The following SGCZ variants were observed in gnomAD, a reference collection of about 807,000 sequenced individuals.
The protein encoded by SGCZ is zeta-sarcoglycan.
A neutral mutation model predicts 41.3 loss-of-function variants in SGCZ; 40 were observed. The observed-to-expected ratio is 0.97, with a 90% CI of 0.75 to 1.26. The LOEUF (loss-of-function observed/expected upper bound fraction) is 1.26, where lower values mean the gene tolerates loss of function less well. SGCZ is among the 50% of genes most tolerant of loss of function. SGCZ has a pLI of 0.00. For missense variants in SGCZ, 552 were observed against 369.8 expected, an observed-to-expected ratio of 1.49 and a Z score of -4.04; for synonymous variants, 206 against 137.5, an observed-to-expected ratio of 1.50 and a Z score of -3.49.
Position 14,638,836 on chromosome 8 carries a change from T to A in SGCZ, c.40-83910A>T, listed in dbSNP as rs1432139384. Among the ~76,000 whole-genome samples the A allele has an allele frequency of 5.9e-5, 9 of 151,898 alleles. No homozygotes were observed. In the East Asian group the frequency reaches 1.8e-3, roughly 30 times the overall value. On this transcript the variant is annotated intron_variant, in intron 1 of 7. Transcript: ENST00000382080. ...TGAGGATAAGGATTTTTTGGAAACA[T>A]TATTTTCTTTTATTTCACATTTAAA...
chr8:14,332,789 ATAGAG>A (rs1263446960), intron 2 of SGCZ: 2 of 150,852 alleles, frequency 1.3e-5, no homozygotes, highest in East Asian at 1.9e-4. Flanking sequence ...TTGGTTTGCA[ATAGAG>A]TATAGAGTAT....
intron 3 of SGCZ, among the ~76,000 whole-genome samples, chr8:14,282,881 A>C (rs1214758256): frequency 1.8e-5 from 2 of 108,366 alleles, no homozygotes; most frequent in Non-Finnish European, 3.4e-5. Flanking sequence ...ACGGAGTCTC[A>C]CTCTGTCACC....
chr8:14,417,257 C>G (rs1170520648), intron 2 of SGCZ, among the ~76,000 whole-genome samples: 2 of 151,816 alleles, frequency 1.3e-5, no homozygotes. Flanking sequence ...AAGTATAGTC[C>G]AAAATGGAGC....
Position 15,230,792 on chromosome 8 carries a change from G to A in SGCZ, c.39+6793C>T, listed in dbSNP as rs148538836. 1.5e-3 allele frequency among the ~76,000 whole-genome samples: 232 copies of A among 152,292 alleles called. 3 individuals carry two copies. Among genetic ancestry groups the A allele is most frequent in the African/African-American group, 5.5e-3 (227 of 41,566 alleles). On this transcript the variant is annotated intron_variant, in intron 1 of 7. Transcript: ENST00000382080. ...TGAACCAAACTTCCCTTTCACTGCAGTTAAATGTTAGGTTGTTTCGAAGAC... is the reference window on the plus strand; with the variant it reads ...TGAACCAAACTTCCCTTTCACTGCAATTAAATGTTAGGTTGTTTCGAAGAC...
intron 3 of SGCZ, among the ~76,000 whole-genome samples, chr8:14,273,852 G>C (rs183038661): frequency 7.9e-4 from 120 of 152,210 alleles, no homozygotes; most frequent in Middle Eastern, 6.8e-3. Flanking sequence ...CAAAATCATA[G>C]AGACTTCATC....
chr8:14,243,387 C>T (rs544245685), intron 3 of SGCZ, among the ~76,000 whole-genome samples: 1 of 152,286 alleles, frequency 6.6e-6, no homozygotes, highest in Admixed American at 6.5e-5. Flanking sequence ...TCCATGCCTA[C>T]TTCTCTAACA....
chr8:14,768,095 C>A (rs1040646760), intron 1 of SGCZ, among the ~76,000 whole-genome samples: 4 of 152,032 alleles, frequency 2.6e-5, no homozygotes, highest in Non-Finnish European at 5.9e-5. Context: ...CTATTAAGCC[C>A]TAAAACCTAA....
At chr8:15,164,638 A>ACTT (rs1267970296) in intron 1 of SGCZ, among the ~76,000 whole-genome samples, 1 of 83,456 alleles carries the variant, frequency 1.2e-5, no homozygotes, top group African/African-American at 6.3e-5. Flanking sequence ...GTTTTAAGCA[A>ACTT]GTTTTTTTTT....
chr8:14,253,486 C>T (rs1208997460), intron 3 of SGCZ, among the ~76,000 whole-genome samples: 1 of 152,028 alleles, frequency 6.6e-6, no homozygotes, highest in Non-Finnish European at 1.5e-5. Flanking sequence ...ATCTTTATGC[C>T]TCAAAGCTGA....
chr8:14,710,625 GA>G (rs1454366861), intron 1 of SGCZ, among the ~76,000 whole-genome samples: 1 of 151,570 alleles, frequency 6.6e-6, no homozygotes, highest in Non-Finnish European at 1.5e-5. Context: ...TATTGTTTAC[GA>G]AAAAATGTCT....
rs763351518 is a variant in SGCZ, at chr8:14,237,579, C to A, written c.424+13G>T. 10 of 1,612,098 alleles carry A rather than the reference C, an allele frequency of 6.2e-6. No homozygotes were observed. The highest frequency in any genetic ancestry group is 1.1e-5 in the South Asian group (1 of 90,776). On this transcript the variant is annotated intron_variant, in intron 4 of 7. Coordinates refer to ENST00000382080, the MANE Select transcript of SGCZ (RefSeq NM_139167.4). ...AAGCACAGTAGGAGCAATCTTTACC[C>A]CAAAACACTCACCTATGGTCAGCTG...
chr8:14,306,850 A>G (rs1262914285), intron 3 of SGCZ, among the ~76,000 whole-genome samples: 1 of 152,238 alleles, frequency 6.6e-6, no homozygotes, highest in African/African-American at 2.4e-5. Flanking sequence ...AAAAATAAAC[A>G]TGTATTAATA....
chr8:14,226,398 C>T (rs1249944892), intron 4 of SGCZ, among the ~76,000 whole-genome samples: 1 of 152,074 alleles, frequency 6.6e-6, no homozygotes, highest in Non-Finnish European at 1.5e-5. Context: ...CCTAAACCCT[C>T]CCCCATACCA....
intron 2 of SGCZ, among the ~76,000 whole-genome samples, chr8:14,517,770 T>G (rs922013783): frequency 6.6e-6 from 1 of 151,908 alleles, no homozygotes; most frequent in Non-Finnish European, 1.5e-5. Flanking sequence ...CTTTTAGCTC[T>G]TCATGATATA....
intron 1 of SGCZ, among the ~76,000 whole-genome samples, chr8:14,775,351 T>C (rs1490184093): frequency 1.3e-5 from 2 of 152,138 alleles, no homozygotes; most frequent in Non-Finnish European, 2.9e-5. Context: ...CACACAATTT[T>C]ATTCATAGGA....
chr8:14,824,105 AG>A (rs1291339842), intron 1 of SGCZ, among the ~76,000 whole-genome samples: 1 of 152,136 alleles, frequency 6.6e-6, no homozygotes, highest in Non-Finnish European at 1.5e-5. Flanking sequence ...GCAAAAGAGG[AG>A]AGGAGGATGA....
At chr8:14,725,061 C>T (rs1810006947) in intron 1 of SGCZ, among the ~76,000 whole-genome samples, 1 of 152,080 alleles carries the variant, frequency 6.6e-6, no homozygotes, top group African/African-American at 2.4e-5. Context: ...ATGAGGTCAA[C>T]TTTTTTAGCT....
chr8:15,024,967 T>TAAAG (rs1803400474), intron 1 of SGCZ, among the ~76,000 whole-genome samples: 2 of 136,302 alleles, frequency 1.5e-5, no homozygotes, highest in Admixed American at 1.5e-4. Flanking sequence ...AATAAATAAA[T>TAAAG]AAATAATATA....
intron 4 of SGCZ, among the ~76,000 whole-genome samples, chr8:14,178,113 A>G (rs1804610138): frequency 6.7e-6 from 1 of 149,854 alleles, no homozygotes; most frequent in African/African-American, 2.4e-5. Flanking sequence ...ATGAGCCATC[A>G]CCCCCGGCTA....
Sources: allele counts gnomAD v4.1 joint callset (sites outside exome capture counted in the v4.1 genomes callset), GRCh38; gene constraint gnomAD v4.1.1; transcripts MANE v1.5; gene names NCBI Gene and HGNC (gene_info 2026-07-23, HGNC 2026-07-21).